Variants in SLC4A4 observed in about 807,000 individuals in gnomAD.
SLC4A4 encodes the protein electrogenic sodium bicarbonate cotransporter 1.
Under a neutral mutation model 111.5 loss-of-function variants are expected in SLC4A4, and 27 were observed. That is an observed-to-expected ratio of 0.24 (90% confidence interval 0.18 to 0.33). SLC4A4 has a LOEUF of 0.33. Among genes scored for constraint, SLC4A4 ranks in the 10% least tolerant of loss-of-function variants. The pLI is 1.00. For missense variants in SLC4A4, 909 were observed against 1,315.5 expected, an observed-to-expected ratio of 0.69 and a Z score of 4.78; for synonymous variants, 443 against 463.4, an observed-to-expected ratio of 0.96 and a Z score of 0.57.
At chr4:71,501,502 G>GT (rs901647797) in intron 16 of SLC4A4, among the ~76,000 whole-genome samples, 4 of 148,466 alleles carry the variant, frequency 2.7e-5, no homozygotes, top group African/African-American at 7.4e-5. Flanking sequence ...ATCTCTTAGA[G>GT]TTTTTTTTAT....
At chr4:71,366,299 A>C (rs933746237) in intron 6 of SLC4A4, among the ~76,000 whole-genome samples, 1 of 123,822 alleles carries the variant, frequency 8.1e-6, no homozygotes, top group African/African-American at 2.7e-5. Flanking sequence ...TAAAAAAAGC[A>C]TTTTTTCTGG....
At chr4:71,346,758 A>G (rs1461060754) in intron 4 of SLC4A4, among the ~76,000 whole-genome samples, 1 of 152,186 alleles carries the variant, frequency 6.6e-6, no homozygotes, top group Non-Finnish European at 1.5e-5. Flanking sequence ...CCTGAAAATG[A>G]TCTGTTTAAA....
intron 2 of SLC4A4, among the ~76,000 whole-genome samples, chr4:71,117,682 A>G (rs1025044195): frequency 2.0e-5 from 3 of 152,156 alleles, no homozygotes; most frequent in African/African-American, 7.2e-5. Context: ...CACATTATCA[A>G]TCTGGCATAA....
intron 1 of SLC4A4, among the ~76,000 whole-genome samples, chr4:71,084,592 C>T (rs1000262819): frequency 6.6e-6 from 1 of 151,864 alleles, no homozygotes; most frequent in Non-Finnish European, 1.5e-5. Context: ...GTGTGATGTT[C>T]CCCTTCCTGT....
At chr4:71,266,942 A>G (rs1252624398) in intron 3 of SLC4A4, among the ~76,000 whole-genome samples, 3 of 152,362 alleles carry the variant, frequency 2.0e-5, no homozygotes, top group South Asian at 2.1e-4. Context: ...GGTGGGGGAA[A>G]TAACACAAAT....
At chr4:71,084,469 A>C (rs1384359612) in intron 1 of SLC4A4, among the ~76,000 whole-genome samples, 1 of 151,962 alleles carries the variant, frequency 6.6e-6, no homozygotes. Context: ...TTAGTTACAT[A>C]TGTATACATG....
chr4:71,518,978 C>G (rs1373829875), intron 16 of SLC4A4, among the ~76,000 whole-genome samples: 1 of 152,218 alleles, frequency 6.6e-6, no homozygotes, highest in African/African-American at 2.4e-5. Flanking sequence ...CCTCTCCTCT[C>G]AAACAGAGGG....
At chr4:71,342,314 T>C (rs967625249) in intron 4 of SLC4A4, among the ~76,000 whole-genome samples, 2 of 152,218 alleles carry the variant, frequency 1.3e-5, no homozygotes, top group African/African-American at 4.8e-5. Context: ...TTTTTACTAG[T>C]GAATCTGTTT....
chr4:71,489,388 G>T (rs1729698409), intron 15 of SLC4A4, among the ~76,000 whole-genome samples: 1 of 151,708 alleles, frequency 6.6e-6, no homozygotes, highest in South Asian at 2.1e-4. Context: ...TTCAAGTGCA[G>T]GGCTCCATGA....
At chr4:71,082,399 C>T (rs577350387) in intron 1 of SLC4A4, among the ~76,000 whole-genome samples, 1 of 152,114 alleles carries the variant, frequency 6.6e-6, no homozygotes, top group African/African-American at 2.4e-5. Context: ...CTACTCTCAA[C>T]TTAACCATTA....
intron 2 of SLC4A4, among the ~76,000 whole-genome samples, chr4:71,151,480 C>G (rs1744310210): frequency 1.3e-5 from 2 of 151,994 alleles, no homozygotes; most frequent in South Asian, 4.2e-4. Flanking sequence ...TCATTTTTAC[C>G]TTTAATGACA....
chr4:71,326,813 T>C (rs1275584686), intron 3 of SLC4A4, among the ~76,000 whole-genome samples: 1 of 152,056 alleles, frequency 6.6e-6, no homozygotes, highest in African/African-American at 2.4e-5. Flanking sequence ...TACTGTGATA[T>C]ATTTAATACA....
Position 71,471,574 on chromosome 4 carries a change from C to G in SLC4A4, c.1632-1125C>G, listed in dbSNP as rs2031241443. 2.6e-5 allele frequency among the ~76,000 whole-genome samples: 4 copies of G among 151,926 alleles called. No homozygotes were observed. In the South Asian group the frequency reaches 8.3e-4, roughly 31 times the overall value. ...AAAAGCAAGGTTCTAGAGTGTCAAG[C>G]ATGCACAATCCTTGACTTATTTCTT... is the stretch of plus-strand genomic sequence containing the variant. On this transcript the variant is annotated intron_variant, in intron 13 of 25. Coordinates refer to ENST00000264485, the MANE Select transcript of SLC4A4 (RefSeq NM_001098484.3).
At chr4:71,109,317 C>T (rs1410124035) in intron 2 of SLC4A4, among the ~76,000 whole-genome samples, 5 of 151,836 alleles carry the variant, frequency 3.3e-5, no homozygotes, top group Non-Finnish European at 7.4e-5. Flanking sequence ...AGTCTGGCTC[C>T]CAAAAGAGGA....
At chr4:71,408,217 C>T (rs1721049357) in intron 7 of SLC4A4, among the ~76,000 whole-genome samples, 1 of 152,112 alleles carries the variant, frequency 6.6e-6, no homozygotes, top group Admixed American at 6.5e-5. Context: ...GGAGAAACAT[C>T]CATCCAGGAT....
intron 1 of SLC4A4, among the ~76,000 whole-genome samples, chr4:71,085,696 G>T (rs186061977): frequency 0.013 from 1,904 of 152,132 alleles, 58 homozygotes; most frequent in African/African-American, 0.044. Flanking sequence ...TGTCAGGTTT[G>T]TCAAAGATCA....
intron 2 of SLC4A4, among the ~76,000 whole-genome samples, chr4:71,146,609 T>G (rs1209457809): frequency 3.3e-5 from 5 of 152,198 alleles, no homozygotes; most frequent in African/African-American, 4.8e-5. Context: ...CACTAAGGAC[T>G]TGCTTTATGA....
intron 2 of SLC4A4, among the ~76,000 whole-genome samples, chr4:71,137,323 A>G (rs1743872916): frequency 2.6e-5 from 4 of 152,192 alleles, no homozygotes; most frequent in Admixed American, 2.6e-4. Flanking sequence ...GTCATCCTCC[A>G]TTGATTGCTA....
chr4:71,139,210 T>A (rs1349481828), intron 2 of SLC4A4, among the ~76,000 whole-genome samples: 1 of 151,512 alleles, frequency 6.6e-6, no homozygotes, highest in Non-Finnish European at 1.5e-5. Context: ...TGTGTGTGTG[T>A]GTGTGTGTAT....
Sources: allele counts gnomAD v4.1 joint callset (sites outside exome capture counted in the v4.1 genomes callset), GRCh38; gene constraint gnomAD v4.1.1; transcripts MANE v1.5; gene names NCBI Gene and HGNC (gene_info 2026-07-23, HGNC 2026-07-21).